HECW2: variants seen among roughly 807,000 people sequenced by gnomAD.
The protein encoded by HECW2 is HECT, C2 and WW domain containing E3 ubiquitin protein ligase 2.
In HECW2, 61 loss-of-function variants were observed where a neutral mutation model predicts 175.2. That is an observed-to-expected ratio of 0.35 (90% CI 0.28 to 0.43). The LOEUF (loss-of-function observed/expected upper bound fraction) is 0.43, where lower values mean the gene tolerates loss of function less well. Ranked by LOEUF, HECW2 falls within the 20% of genes least tolerant of loss-of-function variation. The pLI is 1.00. For missense variants in HECW2, 1,524 were observed against 2,000.5 expected (o/e 0.76, Z 4.54); for synonymous variants, 671 against 731.0 (o/e 0.92, Z 1.32).
intron 7 of HECW2, 89 bp from the exon 8 acceptor site, chr2:196,320,528 A>C (rs932032375): frequency 1.4e-6 from 1 of 719,582 alleles, no homozygotes; most frequent in Non-Finnish European, 2.5e-6. Flanking sequence ...AATCCCTCCT[A>C]TCTCTCTTAA....
intron 22 of HECW2, among the ~76,000 whole-genome samples, chr2:196,227,393 A>G (rs1312041264): frequency 6.6e-6 from 1 of 151,984 alleles, no homozygotes; most frequent in Non-Finnish European, 1.5e-5. Flanking sequence ...AAAGAGTGCA[A>G]TTTGGGATTT....
rs112502610 is a variant in HECW2 at position 196,370,272 on chromosome 2, G to C, written c.293-26508C>G. On this transcript the variant is annotated intron_variant, in intron 2 of 28. Coordinates refer to ENST00000644978, the MANE Select transcript of HECW2 (RefSeq NM_001348768.2). The stretch of plus-strand genomic sequence containing the variant: ...GACAGGTCTGAGTCCTTCCCTTCAA[G>C]GAAGTGAGTTCCCTTCTGGCCCAGG... 5.7e-3 allele frequency among the ~76,000 whole-genome samples: 863 copies of C among 152,098 alleles called. 13 individuals carry two copies. The highest frequency in any genetic ancestry group is 0.02 in the African/African-American group (827 of 41,512).
At chr2:196,499,163 C>T (rs926533973) in intron 1 of HECW2, among the ~76,000 whole-genome samples, 20 of 152,082 alleles carry the variant, frequency 1.3e-4, no homozygotes, top group Admixed American at 7.2e-4. Context: ...CTGCAATACC[C>T]GCCATCTCAG....
At chr2:196,489,766 T>C (rs1164955661) in intron 1 of HECW2, among the ~76,000 whole-genome samples, 1 of 152,194 alleles carries the variant, frequency 6.6e-6, no homozygotes, top group Non-Finnish European at 1.5e-5. Flanking sequence ...AGAATGGGAA[T>C]GCACTGTCCC....
intron 1 of HECW2, among the ~76,000 whole-genome samples, chr2:196,460,308 C>G (rs939809488): frequency 6.6e-6 from 1 of 152,042 alleles, no homozygotes; most frequent in African/African-American, 2.4e-5. Flanking sequence ...AGAAGAGAGG[C>G]ATTTTTATTC....
intron 22 of HECW2, among the ~76,000 whole-genome samples, chr2:196,226,322 G>A (rs1375283365): frequency 2.6e-5 from 4 of 152,090 alleles, no homozygotes; most frequent in Non-Finnish European, 4.4e-5. Context: ...AAAGCTCCCT[G>A]AGACCATCCC....
chr2:196,510,265 G>T (rs147106255), intron 1 of HECW2, among the ~76,000 whole-genome samples: 22 of 152,328 alleles, frequency 1.4e-4, no homozygotes, highest in Admixed American at 3.3e-4. Context: ...TAGGAATTCT[G>T]TACTTGTAGT....
intron 1 of HECW2, among the ~76,000 whole-genome samples, chr2:196,503,419 G>A (rs986111903): frequency 6.6e-6 from 1 of 152,166 alleles, no homozygotes; most frequent in Non-Finnish European, 1.5e-5. Context: ...GGGCAGTAGT[G>A]GGTTCATCTA....
intron 1 of HECW2, among the ~76,000 whole-genome samples, chr2:196,527,368 C>G (rs1688702475): frequency 6.6e-6 from 1 of 152,256 alleles, no homozygotes; most frequent in Admixed American, 6.5e-5. Context: ...CTGGCCTGCG[C>G]CCACTGTCTG....
chr2:196,243,513 T>A (rs998582007), intron 19 of HECW2, among the ~76,000 whole-genome samples: 1 of 152,082 alleles, frequency 6.6e-6, no homozygotes, highest in Non-Finnish European at 1.5e-5. Flanking sequence ...ATATCTAGAT[T>A]ATATAAGCAT....
intron 2 of HECW2, among the ~76,000 whole-genome samples, chr2:196,357,537 T>A (rs1382622881): frequency 2.6e-5 from 4 of 152,210 alleles, no homozygotes; most frequent in African/African-American, 9.7e-5. Context: ...AAACCCTTAA[T>A]GCAACATTTT....
intron 14 of HECW2, among the ~76,000 whole-genome samples, chr2:196,279,894 A>G (rs192359299): frequency 5.4e-4 from 82 of 152,362 alleles, no homozygotes; most frequent in Admixed American, 8.5e-4. Context: ...TCACTGCAGA[A>G]TCTCTGATAA....
At chr2:196,234,190 C>G (rs1236381124) in intron 21 of HECW2, among the ~76,000 whole-genome samples, 1 of 152,108 alleles carries the variant, frequency 6.6e-6, no homozygotes, top group East Asian at 1.9e-4. Context: ...TAAACCTCCT[C>G]TCTTTACGCA....
chr2:196,340,363 A>G (rs1692703076), intron 3 of HECW2, among the ~76,000 whole-genome samples: 1 of 152,076 alleles, frequency 6.6e-6, no homozygotes. Flanking sequence ...TCGGGAGGCC[A>G]AGGTGGGTGG....
intron 19 of HECW2, among the ~76,000 whole-genome samples, chr2:196,247,671 C>G (rs1688699528): frequency 1.3e-5 from 2 of 152,184 alleles, no homozygotes; most frequent in Admixed American, 1.3e-4. Context: ...TTTTCATATA[C>G]TGTTACAAAA....
chr2:196,277,216 T>C (rs576309269), intron 15 of HECW2, among the ~76,000 whole-genome samples: 1 of 152,234 alleles, frequency 6.6e-6, no homozygotes, highest in African/African-American at 2.4e-5. Flanking sequence ...TAGAGGGCCC[T>C]CGTGTGGTTA....
In HECW2 at chr2:196,196,277, G is replaced by C. The variant is rs1479268887; in HGVS notation, c.*5000C>G. ...ATTTTTATCATCCTTTCAGTGGGCA[G>C]TAGCTGGCCTTAAGCCACAATTCAG... On this transcript the variant is annotated 3_prime_UTR_variant, in exon 29 of 29. Coordinates refer to ENST00000644978, the MANE Select transcript of HECW2 (RefSeq NM_001348768.2). 6.6e-6 allele frequency: 1 copy of C among 152,280 alleles called. No individual in the cohort carries two copies. The highest frequency in any genetic ancestry group is 1.5e-5 in the Non-Finnish European group (1 of 68,090). The allele number at this position is 152,280 out of a possible 1,614,324, so 9.4% of individuals were successfully genotyped here. A position where few individuals can be genotyped will look rare whatever the true frequency, so the allele number is the denominator to read the frequency against.
chr2:196,557,706 A>C (rs1028143425), intron 1 of HECW2, among the ~76,000 whole-genome samples: 1 of 152,198 alleles, frequency 6.6e-6, no homozygotes, highest in Non-Finnish European at 1.5e-5. Flanking sequence ...TTTCATGGGA[A>C]AATACTGCTA....
At chr2:196,239,104 T>A (rs545651031) in intron 21 of HECW2, 40 of 152,340 alleles carry the variant, frequency 2.6e-4, no homozygotes, top group African/African-American at 9.6e-4. Flanking sequence ...TGCACCTTCA[T>A]CTTTAAGCCA....
Sources: gnomAD v4.1 joint callset for allele counts (sites outside exome capture counted in the v4.1 genomes callset) on GRCh38, gnomAD v4.1.1 for gene constraint, MANE v1.5 for transcripts, NCBI Gene and HGNC (gene_info 2026-07-23, HGNC 2026-07-21) for gene names.